Variants in TSC1 observed in about 807,000 individuals in gnomAD.
TSC1 encodes TSC complex subunit 1.
A neutral mutation model predicts 124.3 loss-of-function variants in TSC1; 20 were observed. The observed-to-expected ratio is 0.16, with a 90% CI of 0.11 to 0.23. TSC1 has a LOEUF of 0.23. Among genes scored for constraint, TSC1 ranks in the 10% least tolerant of loss-of-function variants. The probability of loss-of-function intolerance (pLI) is 1.00; values close to 1 mark genes in which losing one functional copy is unlikely to be tolerated. For synonymous variants in TSC1, 493 were observed against 539.1 expected (o/e 0.91, Z 1.19); for missense variants, 1,124 against 1,448.5 (o/e 0.78, Z 3.64).
intron 1 of TSC1, among the ~76,000 whole-genome samples, chr9:132,937,337 G>A (rs949942841): frequency 2.6e-5 from 4 of 152,236 alleles, no homozygotes; most frequent in Non-Finnish European, 5.9e-5. Context: ...CAGCTACTCG[G>A]GAGGCTAAGG....
At chr9:132,929,876 A>G (rs1456214830) in intron 2 of TSC1, among the ~76,000 whole-genome samples, 1 of 152,182 alleles carries the variant, frequency 6.6e-6, no homozygotes, top group Non-Finnish European at 1.5e-5. Flanking sequence ...GCAAAACCAG[A>G]GGAGAAAAAC....
intron 12 of TSC1, 22 bp from the exon 13 acceptor site, chr9:132,907,392 A>G: frequency 6.3e-7 from 1 of 1,594,414 alleles, no homozygotes; most frequent in Non-Finnish European, 8.6e-7. Context: ...AGTATCATTT[A>G]TATCACAAGA....
chr9:132,921,130 G>A lies in TSC1; in HGVS notation c.737+233C>T, dbSNP rs533150985. ...TACTGAGGTGTAAGCCTTTCTGGGG[G>A]ACAGGCACTTGTGCTGCAACTTTCT... On this transcript the variant is annotated intron_variant, in intron 8 of 22. Transcript: ENST00000298552. This position sits in a 1 kb window ranked among gnomAD's most constrained non-coding sequence, Gnocchi z 4.3. Among the ~76,000 whole-genome samples, 386 of 152,120 alleles carry A rather than the reference G, an allele frequency of 2.5e-3. 2 individuals carry two copies. The highest frequency in any genetic ancestry group is 8.6e-3 in the African/African-American group (355 of 41,508).
At position 132,897,083 on chromosome 9, in the gene TSC1, T is replaced by C. The variant is rs112528984; in HGVS notation, c.2975+101A>G. On this transcript the variant is annotated intron_variant, in intron 22 of 22. Transcript: ENST00000298552. ...ACGGAGTGAGCTGAGTGTTGCAGCCTGTCTAGTCAGCAGTAACTGCTTCCC... is the reference window on the plus strand; with the variant it reads ...ACGGAGTGAGCTGAGTGTTGCAGCCCGTCTAGTCAGCAGTAACTGCTTCCC... 4.9e-3 allele frequency: 7,731 copies of C among 1,572,690 alleles called. 216 individuals carry two copies. In the African/African-American group the frequency reaches 0.078, roughly 16 times the overall value.
chr9:132,940,449 C>G (rs886077203), intron 1 of TSC1, among the ~76,000 whole-genome samples: 7 of 152,142 alleles, frequency 4.6e-5, no homozygotes, highest in African/African-American at 1.7e-4. Context: ...TTTCAGAGGG[C>G]AACTGAGTCC....
chr9:132,911,625 TAAAAAAAAAAAA>T lies in TSC1; in HGVS notation c.914-69_914-58del, dbSNP rs11364856. The T allele has an allele frequency of 4.1e-4, 70 of 169,164 alleles. 1 individual carries two copies. The highest frequency in any genetic ancestry group is 1.2e-3 in the African/African-American group (22 of 18,444). 10.5% of individuals were successfully genotyped at this position (169,164 alleles called of 1,614,324 possible). On this transcript the variant is annotated intron_variant, in intron 9 of 22. Transcript: ENST00000298552. ...GTGTGTGGTTTTAGGTTATTCTGGT[TAAAAAAAAAAAA>T]AAAAAAAAAAAAAAAAAAAGATGGT...
chr9:132,932,004 CA>C (rs1474015416), intron 2 of TSC1, among the ~76,000 whole-genome samples: 3 of 152,112 alleles, frequency 2.0e-5, no homozygotes, highest in Non-Finnish European at 4.4e-5. Flanking sequence ...GTGTGTTAGC[CA>C]CAAAAGTCTC....
intron 1 of TSC1, chr9:132,943,945 C>G (rs935012639): frequency 6.6e-6 from 1 of 152,150 alleles, no homozygotes; most frequent in African/African-American, 2.4e-5. Context: ...CTTAGGAATC[C>G]CCTTTGCCCA....
At chr9:132,922,148 A>G (rs547306661) in intron 6 of TSC1, among the ~76,000 whole-genome samples, 175 bp from the exon 7 acceptor site, 31 of 152,182 alleles carry the variant, frequency 2.0e-4, no homozygotes, top group African/African-American at 7.2e-4. Flanking sequence ...CACACCAGAC[A>G]CCCTTATTTC....
intron 15 of TSC1, among the ~76,000 whole-genome samples, chr9:132,904,863 T>A (rs1845574499): frequency 6.6e-6 from 1 of 152,216 alleles, no homozygotes; most frequent in Non-Finnish European, 1.5e-5. Flanking sequence ...TGTAAAGCTA[T>A]GTCACTCCGA....
chr9:132,931,077 C>T (rs1433205053), intron 2 of TSC1: 1 of 152,190 alleles, frequency 6.6e-6, no homozygotes, highest in Non-Finnish European at 1.5e-5. Flanking sequence ...ACTTGTCTAG[C>T]TAACCCCCAC....
Position 132,897,233 on chromosome 9 carries a change from T to G in TSC1, c.2926A>C (p.Lys976Gln), listed in dbSNP as rs796053448. ...YGRLEKDGLL[K>Q]KLEEEKAEAA... ...TCTGCTTTTTCTTCTTCAAGTTTTT[T>G]CAGGAGGCCATCTTTCTCCAACCTG... Residue 976 changes from lysine to glutamine, a missense_variant, in exon 22 of 23, where the codon AAA becomes CAA. Around this residue, in one of 5 missense-constraint regions of TSC1, gnomAD observed 325 missense variants for 383.4 expected, o/e 0.85. Transcript: ENST00000298552. 1 of 1,614,084 alleles carries G rather than the reference T, an allele frequency of 6.2e-7. No homozygotes were observed. Among genetic ancestry groups the G allele is most frequent in the Non-Finnish European group, 8.5e-7 (1 of 1,180,046 alleles).
rs1322182812 is a variant in TSC1, at chr9:132,903,604, A to G, written c.2208+47T>C. On this transcript the variant is annotated intron_variant, in intron 17 of 22. Transcript: ENST00000298552. This position sits in a 1 kb window ranked among gnomAD's most constrained non-coding sequence, Gnocchi z 5.9. ...CTTTATAAGCTATCATGCTGACCCA[A>G]AACAAAACAAAAAGCAAGCTCCACC... 3.1e-6 allele frequency: 5 copies of G among 1,611,488 alleles called. No individual in the cohort carries two copies. The highest frequency in any genetic ancestry group is 4.2e-6 in the Non-Finnish European group (5 of 1,179,628).
chr9:132,927,100 A>G (rs1282472452), intron 4 of TSC1, 101 bp downstream of exon 4: 1 of 1,160,796 alleles, frequency 8.6e-7, no homozygotes, highest in African/African-American at 1.5e-5. Context: ...GCGCACAGAA[A>G]TCAAAAGAAT....
In TSC1 at chr9:132,921,233, G is replaced by A. The variant is rs1846532572; in HGVS notation, c.737+130C>T. 1 of 946,980 alleles carries A rather than the reference G, an allele frequency of 1.1e-6. No individual in the cohort carries two copies. The highest frequency in any genetic ancestry group is 1.6e-5 in the African/African-American group (1 of 61,296). The allele number at this position is 946,980 out of a possible 1,614,324, so 58.7% of individuals were successfully genotyped here. A position where few individuals can be genotyped will look rare whatever the true frequency, so the allele number is the denominator to read the frequency against. ...TCACACAAATTTTAGCTGTATGAGT[G>A]CTTCCAAGTGGACTGATTCTGTAAG... On this transcript the variant is annotated intron_variant, in intron 8 of 22. Coordinates refer to ENST00000298552, the MANE Select transcript of TSC1 (RefSeq NM_000368.5). This position sits in a 1 kb window ranked among gnomAD's most constrained non-coding sequence, Gnocchi z 4.3.
chr9:132,923,505 AG>A lies in TSC1; in HGVS notation c.364-14del. The A allele has an allele frequency of 6.2e-7, 1 of 1,614,010 alleles. No individual in the cohort carries two copies. Among genetic ancestry groups the A allele is most frequent in the Non-Finnish European group, 8.5e-7 (1 of 1,179,900 alleles). ...CGTCAGTGTCCATCTGCAGGAGAAA[AG>A]GTCAAACAGGAAACGTCTGTCAGGC... On this transcript the variant is annotated splice_polypyrimidine_tract_variant and intron_variant, in intron 5 of 22. Transcript: ENST00000298552. The surrounding 1 kb of genome is among the most constrained non-coding windows in gnomAD (Gnocchi z 4.2).
rs1417111404 is a variant in TSC1, at chr9:132,897,318, C to G, written c.2841G>C (p.Arg947Ser). The G allele has an allele frequency of 6.2e-7, 1 of 1,614,202 alleles. No individual in the cohort carries two copies. The highest frequency in any genetic ancestry group is 8.5e-7 in the Non-Finnish European group (1 of 1,180,030). ...GGGTTATCCTTTTCTGAGCCTCATA[C>G]CTGCTCTCTGCGGCCTGCAGCTGTC... ...ARGQLQAAES[R>S]YEAQKRITQV... Residue 947 changes from arginine (R) to serine (S), a missense_variant, in exon 22 of 23, where the codon AGG becomes AGC. Arg to Ser is a moderately radical substitution (Grantham distance 110). Coordinates refer to ENST00000298552, the MANE Select transcript of TSC1 (RefSeq NM_000368.5).
chr9:132,896,319 G>A lies in TSC1; in HGVS notation c.3411C>T (p.Gly1137=), dbSNP rs1373256935. Residue 1137 remains glycine (G), a synonymous_variant, in exon 23 of 23, where the codon GGC becomes GGT. Coordinates refer to ENST00000298552, the MANE Select transcript of TSC1 (RefSeq NM_000368.5). The surrounding 1 kb of genome is among the most constrained non-coding windows in gnomAD (Gnocchi z 4.5). ...CCGGGGTCGGGGGAGACGGGTGAGG[G>A]CCATCTAGGTTCAGGGGAATCTTGG... ...VEAKIPLNLD[G]PHPSPPTPDS... The A allele has an allele frequency of 6.2e-7, 1 of 1,614,060 alleles. No individual in the cohort carries two copies. The highest frequency in any genetic ancestry group is 8.5e-7 in the Non-Finnish European group (1 of 1,180,042).
chr9:132,906,590 A>AG lies in TSC1; in HGVS notation c.1438+140dup. 1.4e-6 allele frequency: 1 copy of AG among 707,080 alleles called. No individual in the cohort carries two copies. The highest frequency in any genetic ancestry group is 2.5e-6 in the Non-Finnish European group (1 of 405,830). 43.8% of individuals were successfully genotyped at this position (707,080 alleles called of 1,614,324 possible). A position where few individuals can be genotyped will look rare whatever the true frequency, so the allele number is the denominator to read the frequency against. On this transcript the variant is annotated intron_variant, in intron 14 of 22. Transcript: ENST00000298552. This position sits in a 1 kb window ranked among gnomAD's most constrained non-coding sequence, Gnocchi z 4.1. The stretch of plus-strand genomic sequence containing the variant: ...AAAGTGGCATCACTTTACCTGGCAT[A>AG]GGTCCCAGACTAAACCACCCATCTT...
Sources: allele counts gnomAD v4.1 joint callset (sites outside exome capture counted in the v4.1 genomes callset), GRCh38; gene constraint gnomAD v4.1.1; regional missense constraint gnomAD v4.1.1; non-coding constraint Gnocchi (gnomAD v3.1); transcripts MANE v1.5; gene names NCBI Gene and HGNC (gene_info 2026-07-23, HGNC 2026-07-21).